The following FZD3 variants were observed in gnomAD, a reference collection of about 807,000 sequenced individuals.
FZD3 encodes frizzled-3.
A neutral mutation model predicts 60.7 loss-of-function variants in FZD3; 30 were observed. That is an observed-to-expected ratio of 0.49 (90% CI 0.37 to 0.67). The LOEUF (loss-of-function observed/expected upper bound fraction) is 0.67. FZD3 is among the 30% of genes least tolerant of loss of function. The pLI, the probability that FZD3 is intolerant of heterozygous loss-of-function variation, is 0.00. For synonymous variants in FZD3, 246 were observed against 275.2 expected (o/e 0.89, Z 1.05); for missense variants, 605 against 838.7 (o/e 0.72, Z 3.44).
At chr8:28,535,431 T>C (rs1209261564) in intron 5 of FZD3, among the ~76,000 whole-genome samples, 2 of 152,206 alleles carry the variant, frequency 1.3e-5, no homozygotes, top group Non-Finnish European at 2.9e-5. Flanking sequence ...TTTATTCAGA[T>C]TTCCTTAGTT....
intron 6 of FZD3, among the ~76,000 whole-genome samples, chr8:28,553,756 C>T (rs1043316904): frequency 1.3e-5 from 2 of 152,122 alleles, no homozygotes; most frequent in African/African-American, 2.4e-5. Context: ...CATTCAAGAG[C>T]GTGGGCACCC....
chr8:28,538,172 C>T (rs1051826160), intron 5 of FZD3, among the ~76,000 whole-genome samples: 1 of 150,934 alleles, frequency 6.6e-6, no homozygotes, highest in Non-Finnish European at 1.5e-5. Context: ...GTACTGTTAT[C>T]ACTATAATAA....
Position 28,551,606 on chromosome 8 carries a change from A to G in FZD3, c.1408A>G (p.Thr470Ala), listed in dbSNP as rs779583947. Residue 470 changes from threonine (T) to alanine (A), a missense_variant, in exon 6 of 8, where the codon ACT becomes GCT. Thr to Ala is a moderately conservative substitution (Grantham distance 58). Transcript: ENST00000240093. Reference protein sequence around the residue: ...EYHIPCPYQVTQMSRPDLILF... With the variant: ...EYHIPCPYQVAQMSRPDLILF... The stretch of plus-strand genomic sequence containing the variant: ...GCTTTTCTTTCTGTTCTTCCAGGTT[A>G]CTCAAATGAGTCGTCCAGACTTGAT... 6.3e-6 allele frequency: 10 copies of G among 1,597,126 alleles called. No homozygotes were observed. The highest frequency in any genetic ancestry group is 8.6e-6 in the Non-Finnish European group (10 of 1,167,290).
intron 5 of FZD3, among the ~76,000 whole-genome samples, chr8:28,542,900 A>G (rs1805204268): frequency 6.6e-6 from 1 of 152,160 alleles, no homozygotes; most frequent in African/African-American, 2.4e-5. Flanking sequence ...TGACTGAGTT[A>G]ATTAGCTGTG....
chr8:28,506,433 A>C (rs1804142683), intron 3 of FZD3, among the ~76,000 whole-genome samples: 1 of 152,200 alleles, frequency 6.6e-6, no homozygotes, highest in African/African-American at 2.4e-5. Context: ...AATTTTGAAA[A>C]GTTAAAGTGC....
intron 2 of FZD3, among the ~76,000 whole-genome samples, chr8:28,501,258 C>G (rs1427676940): frequency 6.6e-6 from 1 of 152,204 alleles, no homozygotes; most frequent in East Asian, 1.9e-4. Context: ...TCAAGACCAT[C>G]TACTAGAGGG....
intron 5 of FZD3, among the ~76,000 whole-genome samples, chr8:28,540,396 A>G (rs1053962627): frequency 1.3e-5 from 2 of 152,006 alleles, no homozygotes; most frequent in Non-Finnish European, 2.9e-5. Context: ...CACCAGGCTA[A>G]TTTTTGTATT....
At chr8:28,504,438 A>G (rs958180970) in intron 3 of FZD3, among the ~76,000 whole-genome samples, 2 of 151,606 alleles carry the variant, frequency 1.3e-5, no homozygotes, top group African/African-American at 4.9e-5. Flanking sequence ...AAATTGAACT[A>G]GAAACATTTT....
rs960692164 is a variant in FZD3 at position 28,530,229 on chromosome 8, T to C, written c.1404+2065T>C. On this transcript the variant is annotated intron_variant, in intron 5 of 7. Transcript: ENST00000240093. ...GATGGTAATAACATAGGTATTAAAC[T>C]GTAAGCTGGAGTAGGAGTCCTAGCT... 7.9e-5 allele frequency among the ~76,000 whole-genome samples: 12 copies of C among 152,140 alleles called. No individual in the cohort carries two copies. In the South Asian group the frequency reaches 1.2e-3, roughly 16 times the overall value.
Position 28,494,306 on chromosome 8 carries a change from G to GCC in FZD3, c.-422_-421dup, listed in dbSNP as rs3214597. 120,941 of 151,402 alleles carry GCC rather than the reference G, an allele frequency of 0.8. 49,316 individuals are homozygous for GCC. The highest frequency in any genetic ancestry group is 0.89 in the Middle Eastern group (261 of 292). 9.4% of individuals were successfully genotyped at this position (151,402 alleles called of 1,614,324 possible). ...GCGGCCGCCCGCGGCAGGCGGTGCA[G>GCC]CCCCCCCACCCCTTGGAGCCAGGCG... On this transcript the variant is annotated 5_prime_UTR_variant, in exon 1 of 8. Transcript: ENST00000240093.
At chr8:28,543,374 CTGTTTT>C (rs1805217711) in intron 5 of FZD3, among the ~76,000 whole-genome samples, 1 of 149,606 alleles carries the variant, frequency 6.7e-6, no homozygotes, top group African/African-American at 2.5e-5. Context: ...CCACACTCCA[CTGTTTT>C]TGTTTTTGTT....
intron 5 of FZD3, among the ~76,000 whole-genome samples, chr8:28,539,670 T>C (rs972987558): frequency 7.9e-5 from 12 of 152,216 alleles, no homozygotes; most frequent in Admixed American, 5.2e-4. Flanking sequence ...GACCATAGGC[T>C]TGATATAAGT....
In FZD3 at chr8:28,570,187, A is replaced by T. The variant is rs1805779306; in HGVS notation, c.*7176A>T. On this transcript the variant is annotated 3_prime_UTR_variant, in exon 8 of 8. Coordinates refer to ENST00000240093, the MANE Select transcript of FZD3 (RefSeq NM_017412.4). ...TTTCTGGAAAAATTCCTTAATTGTC[A>T]TCTGATATAATGTAGAGATTGAGGC... 6.6e-6 allele frequency: 1 copy of T among 152,192 alleles called. No homozygotes were observed. Among genetic ancestry groups the T allele is most frequent in the Non-Finnish European group, 1.5e-5 (1 of 68,026 alleles). The allele number at this position is 152,192 out of a possible 1,614,324, so 9.4% of individuals were successfully genotyped here.
chr8:28,526,856 A>G (rs146553962), intron 4 of FZD3, among the ~76,000 whole-genome samples: 88 of 152,324 alleles, frequency 5.8e-4, no homozygotes, highest in African/African-American at 2.0e-3. Context: ...AAGGGAATTC[A>G]TGACAACGGT....
intron 3 of FZD3, among the ~76,000 whole-genome samples, chr8:28,510,103 G>GT (rs1277200652): frequency 2.5e-4 from 23 of 92,706 alleles, no homozygotes; most frequent in East Asian, 1.8e-3. Context: ...GGTATTTTCT[G>GT]TTTTTTTTGT....
At chr8:28,502,406 T>G (rs1212648424) in intron 2 of FZD3, among the ~76,000 whole-genome samples, 1 of 152,182 alleles carries the variant, frequency 6.6e-6, no homozygotes, top group East Asian at 1.9e-4. Context: ...AAAACTGCCA[T>G]TATACATGAG....
At chr8:28,500,481 GCTT>G (rs1803959188) in intron 2 of FZD3, among the ~76,000 whole-genome samples, 3 of 152,104 alleles carry the variant, frequency 2.0e-5, no homozygotes, top group Admixed American at 1.3e-4. Flanking sequence ...ACCCATACCT[GCTT>G]GAAAAATAGA....
intron 5 of FZD3, among the ~76,000 whole-genome samples, chr8:28,538,335 A>G (rs1024794576): frequency 1.4e-4 from 22 of 152,104 alleles, no homozygotes; most frequent in African/African-American, 5.1e-4. Flanking sequence ...TAGTTTAATA[A>G]TCATAGTTGC....
chr8:28,556,244 A>G (rs750316609), intron 7 of FZD3, among the ~76,000 whole-genome samples: 1 of 152,288 alleles, frequency 6.6e-6, no homozygotes, highest in Non-Finnish European at 1.5e-5. Flanking sequence ...TTAGTAAACA[A>G]TTATGGAACA....
Sources: gnomAD v4.1 joint callset for allele counts (sites outside exome capture counted in the v4.1 genomes callset) on GRCh38, gnomAD v4.1.1 for gene constraint, MANE v1.5 for transcripts, NCBI Gene and HGNC (gene_info 2026-07-23, HGNC 2026-07-21) for gene names.